TMEM38B: variants seen among roughly 807,000 people sequenced by gnomAD.
The protein encoded by TMEM38B is trimeric intracellular cation channel type B.
In TMEM38B, 24 loss-of-function variants were observed where a neutral mutation model predicts 28.7. The ratio of observed to expected loss-of-function variants is 0.84; its 90% CI spans 0.61 to 1.18. TMEM38B has a LOEUF of 1.18. TMEM38B is among the 50% of genes most tolerant of loss of function. The pLI is 0.00. For synonymous variants in TMEM38B, 131 were observed against 127.7 expected, an observed-to-expected ratio of 1.03 and a Z score of -0.17; for missense variants, 380 against 350.9, an observed-to-expected ratio of 1.08 and a Z score of -0.66.
intron 5 of TMEM38B, among the ~76,000 whole-genome samples, chr9:105,753,935 G>A (rs1236755050): frequency 6.6e-6 from 1 of 152,106 alleles, no homozygotes; most frequent in Non-Finnish European, 1.5e-5. Context: ...TCCATGCAAA[G>A]ACACACATAG....
At chr9:105,763,856 A>T (rs1176656849) in intron 5 of TMEM38B, among the ~76,000 whole-genome samples, 4 of 151,300 alleles carry the variant, frequency 2.6e-5, no homozygotes, top group Non-Finnish European at 4.4e-5. Context: ...AACCGAATCC[A>T]GCAGCACATC....
chr9:105,749,654 A>T (rs1196882997), intron 5 of TMEM38B, among the ~76,000 whole-genome samples: 1 of 152,228 alleles, frequency 6.6e-6, no homozygotes, highest in East Asian at 1.9e-4. Context: ...TATCACTACA[A>T]ATCAGTATTA....
At chr9:105,735,374 C>A (rs1002695146) in intron 4 of TMEM38B, among the ~76,000 whole-genome samples, 3 of 152,160 alleles carry the variant, frequency 2.0e-5, no homozygotes, top group African/African-American at 7.2e-5. Flanking sequence ...GAAGTTACTT[C>A]TAGTGGTGAA....
In TMEM38B at chr9:105,776,189, T is replaced by G. The variant is rs1826715069; in HGVS notation, c.*2109T>G. Reference sequence around the variant, plus strand: ...TGAGAAAGTCAAGTCCTAATAGGTCTCCTTAAAAAAAAAAAGGAGACAAAA... The same window carrying G: ...TGAGAAAGTCAAGTCCTAATAGGTCGCCTTAAAAAAAAAAAGGAGACAAAA... On this transcript the variant is annotated 3_prime_UTR_variant, in exon 6 of 6. Transcript: ENST00000374692. The G allele has an allele frequency of 6.6e-6, 1 of 151,060 alleles. No homozygotes were observed. Among genetic ancestry groups the G allele is most frequent in the Admixed American group, 6.6e-5 (1 of 15,186 alleles). The allele number at this position is 151,060 out of a possible 1,614,324, so 9.4% of individuals were successfully genotyped here.
Position 105,750,726 on chromosome 9 carries a change from G to T in TMEM38B, c.660+2536G>T, listed in dbSNP as rs143744746. Among the ~76,000 whole-genome samples, 655 of 152,180 alleles carry T rather than the reference G, an allele frequency of 4.3e-3. 2 individuals carry two copies. The highest frequency in any genetic ancestry group is 6.8e-3 in the Middle Eastern group (2 of 294). On this transcript the variant is annotated intron_variant, in intron 5 of 5. Coordinates refer to ENST00000374692, the MANE Select transcript of TMEM38B (RefSeq NM_018112.3). ...GCTAAGAAACCGTTGCCAAATCTAA[G>T]GTCATGAAGATTTACCTCTATATTT...
intron 5 of TMEM38B, among the ~76,000 whole-genome samples, chr9:105,761,506 G>A (rs539255329): frequency 2.0e-5 from 3 of 152,154 alleles, no homozygotes; most frequent in South Asian, 4.2e-4. Flanking sequence ...CCAGATATGC[G>A]GAGACAGTGA....
At chr9:105,764,459 T>C (rs1826283364) in intron 5 of TMEM38B, among the ~76,000 whole-genome samples, 1 of 152,096 alleles carries the variant, frequency 6.6e-6, no homozygotes, top group African/African-American at 2.4e-5. Context: ...GAGAGCCAAA[T>C]CATGAGTGAA....
intron 1 of TMEM38B, among the ~76,000 whole-genome samples, chr9:105,696,342 G>A (rs1334596479): frequency 2.6e-5 from 4 of 152,134 alleles, no homozygotes; most frequent in Non-Finnish European, 5.9e-5. Flanking sequence ...CTGAAGTGCA[G>A]TGGCGCGATC....
chr9:105,733,456 T>G (rs1836851468), intron 4 of TMEM38B, among the ~76,000 whole-genome samples: 1 of 151,164 alleles, frequency 6.6e-6, no homozygotes, highest in Non-Finnish European at 1.5e-5. Context: ...TTGTCTGTAT[T>G]AGGCATGAGC....
intron 4 of TMEM38B, among the ~76,000 whole-genome samples, chr9:105,733,948 A>G (rs1010468023): frequency 3.3e-5 from 5 of 151,072 alleles, no homozygotes; most frequent in Non-Finnish European, 7.4e-5. Context: ...TGTTTTTTCT[A>G]TTTGATTTAT....
chr9:105,720,905 T>A (rs1836293353), intron 2 of TMEM38B, among the ~76,000 whole-genome samples: 1 of 152,140 alleles, frequency 6.6e-6, no homozygotes, highest in South Asian at 2.1e-4. Context: ...GAATTATTTT[T>A]AATCACAGTT....
At chr9:105,718,563 AATG>A (rs1391892174) in intron 2 of TMEM38B, among the ~76,000 whole-genome samples, 1 of 152,100 alleles carries the variant, frequency 6.6e-6, no homozygotes, top group African/African-American at 2.4e-5. Context: ...TGAGAGATAA[AATG>A]ATGTTAGAAA....
intron 5 of TMEM38B, among the ~76,000 whole-genome samples, chr9:105,751,802 A>G (rs1019017903): frequency 6.6e-6 from 1 of 152,170 alleles, no homozygotes; most frequent in Non-Finnish European, 1.5e-5. Flanking sequence ...GGTCCCCCAC[A>G]ATGCAGCACA....
At chr9:105,767,908 C>T (rs1189088812) in intron 5 of TMEM38B, among the ~76,000 whole-genome samples, 2 of 152,000 alleles carry the variant, frequency 1.3e-5, no homozygotes, top group African/African-American at 4.8e-5. Flanking sequence ...TCCTTTTCAA[C>T]CCGGATGCTG....
intron 1 of TMEM38B, among the ~76,000 whole-genome samples, chr9:105,699,330 T>C (rs2133543766): frequency 6.6e-6 from 1 of 152,322 alleles, no homozygotes; most frequent in South Asian, 2.1e-4. Context: ...CCCCAGTGAT[T>C]GATTCTCTAG....
intron 5 of TMEM38B, among the ~76,000 whole-genome samples, chr9:105,754,213 C>A (rs903192442): frequency 2.0e-5 from 3 of 152,228 alleles, no homozygotes; most frequent in South Asian, 2.1e-4. Context: ...ACCCTACTGA[C>A]AATATTAGAT....
chr9:105,730,693 C>G (rs1836709003), intron 4 of TMEM38B, among the ~76,000 whole-genome samples: 1 of 152,204 alleles, frequency 6.6e-6, no homozygotes, highest in Middle Eastern at 3.4e-3. Flanking sequence ...TCCATCTGGT[C>G]CTGGACTTTT....
intron 5 of TMEM38B, among the ~76,000 whole-genome samples, chr9:105,764,407 C>G (rs1187245420): frequency 6.6e-6 from 1 of 152,012 alleles, no homozygotes. Flanking sequence ...AATCAATGTA[C>G]AAAAATCACA....
At position 105,729,632 on chromosome 9, in the gene TMEM38B, C is replaced by G. The variant is rs1249990647; in HGVS notation, c.542+7011C>G. Among the ~76,000 whole-genome samples the G allele has an allele frequency of 2.6e-5, 4 of 152,010 alleles. No homozygotes were observed. In the East Asian group the frequency reaches 7.7e-4, roughly 29 times the overall value. Reference sequence around the variant, plus strand: ...ATTCTGTGAAGAAAGTCATTGGTAGCTTGATGGGGATGTCATTGACTCTAT... The same window carrying G: ...ATTCTGTGAAGAAAGTCATTGGTAGGTTGATGGGGATGTCATTGACTCTAT... On this transcript the variant is annotated intron_variant, in intron 4 of 5. Coordinates refer to ENST00000374692, the MANE Select transcript of TMEM38B (RefSeq NM_018112.3).
Sources: gnomAD v4.1 joint callset for allele counts (sites outside exome capture counted in the v4.1 genomes callset) on GRCh38, gnomAD v4.1.1 for gene constraint, MANE v1.5 for transcripts, NCBI Gene and HGNC (gene_info 2026-07-23, HGNC 2026-07-21) for gene names.